ARHGAP19: variants seen among roughly 807,000 people sequenced by gnomAD.
The protein encoded by ARHGAP19 is rho GTPase-activating protein 19.
In ARHGAP19, 48 loss-of-function variants were observed where a neutral mutation model predicts 60.9. That is an observed-to-expected ratio of 0.79 (90% confidence interval 0.62 to 1.00). ARHGAP19 has a LOEUF of 1.00. ARHGAP19 is among the 50% of genes least tolerant of loss of function. ARHGAP19 has a pLI of 0.00. For missense variants in ARHGAP19, 562 were observed against 597.2 expected, an observed-to-expected ratio of 0.94 and a Z score of 0.61; for synonymous variants, 209 against 215.5, an observed-to-expected ratio of 0.97 and a Z score of 0.27.
At chr10:97,243,186 C>T (rs1191387311) in intron 8 of ARHGAP19, among the ~76,000 whole-genome samples, 1 of 152,146 alleles carries the variant, frequency 6.6e-6, no homozygotes, top group Non-Finnish European at 1.5e-5. Context: ...TCACCATTAT[C>T]TGAGTACTTG....
chr10:97,245,923 G>T (rs372200303), intron 7 of ARHGAP19, among the ~76,000 whole-genome samples: 6 of 151,996 alleles, frequency 3.9e-5, no homozygotes, highest in Admixed American at 1.3e-4. Context: ...TAAAAATTGT[G>T]GGGGGGAGGC....
At chr10:97,231,664 G>A (rs979078676) in intron 9 of ARHGAP19, among the ~76,000 whole-genome samples, 5 of 152,166 alleles carry the variant, frequency 3.3e-5, no homozygotes, top group African/African-American at 9.7e-5. Flanking sequence ...GACAAATAAT[G>A]TTCCATTATC....
At chr10:97,244,949 A>T (rs1842542079) in intron 7 of ARHGAP19, among the ~76,000 whole-genome samples, 2 of 151,736 alleles carry the variant, frequency 1.3e-5, no homozygotes, top group Admixed American at 1.3e-4. Context: ...AACAGGAAAG[A>T]AAGGAAAGTA....
intron 11 of ARHGAP19, 66 bp from the exon 12 acceptor site, chr10:97,226,198 C>A: frequency 6.5e-7 from 1 of 1,541,042 alleles, no homozygotes. Flanking sequence ...AAACATCCCA[C>A]TCAAAAGCTA....
intron 1 of ARHGAP19, among the ~76,000 whole-genome samples, chr10:97,271,683 AT>A (rs1353584354): frequency 6.6e-6 from 1 of 151,962 alleles, no homozygotes; most frequent in Non-Finnish European, 1.5e-5. Context: ...TTGCTATGTT[AT>A]TTATTTATTT....
At chr10:97,265,678 T>G in intron 2 of ARHGAP19, 182 bp downstream of exon 2, 1 of 648,032 alleles carries the variant, frequency 1.5e-6, no homozygotes, top group East Asian at 2.9e-5. Context: ...ATTATTTATT[T>G]ATCTAGACAG....
In ARHGAP19 at chr10:97,225,016, A is replaced by C. The variant is rs1212289432; in HGVS notation, c.*1106T>G. The stretch of plus-strand genomic sequence containing the variant: ...CTCCTTTAAATCCTGTCAGCCCTGC[A>C]GAGGTTGCTGCTTGCTTCTTCTTTC... On this transcript the variant is annotated 3_prime_UTR_variant, in exon 12 of 12. Coordinates refer to ENST00000358531, the MANE Select transcript of ARHGAP19 (RefSeq NM_032900.6). 1 of 152,534 alleles carries C rather than the reference A, an allele frequency of 6.6e-6. No homozygotes were observed. Among genetic ancestry groups the C allele is most frequent in the Non-Finnish European group, 1.5e-5 (1 of 68,304 alleles). 9.4% of individuals were successfully genotyped at this position (152,534 alleles called of 1,614,324 possible).
At chr10:97,241,802 G>A (rs1842487081) in intron 8 of ARHGAP19, among the ~76,000 whole-genome samples, 2 of 152,030 alleles carry the variant, frequency 1.3e-5, no homozygotes, top group Non-Finnish European at 2.9e-5. Context: ...AAGGTTAGGA[G>A]ATCAAGACCA....
intron 5 of ARHGAP19, among the ~76,000 whole-genome samples, chr10:97,259,187 T>C (rs537225327): frequency 6.1e-4 from 93 of 152,344 alleles, no homozygotes; most frequent in Admixed American, 2.7e-3. Flanking sequence ...TACAATGCCA[T>C]GTAGGTTTAC....
At chr10:97,290,208 G>C (rs1426029287) in intron 1 of ARHGAP19, among the ~76,000 whole-genome samples, 1 of 152,170 alleles carries the variant, frequency 6.6e-6, no homozygotes, top group Non-Finnish European at 1.5e-5. Flanking sequence ...CTGGAGCTGA[G>C]CTTTTGCTCG....
chr10:97,229,727 T>C, intron 10 of ARHGAP19, 37 bp downstream of exon 10: 1 of 1,451,898 alleles, frequency 6.9e-7, no homozygotes. Flanking sequence ...TACAAATATA[T>C]ACAGACAGAC....
chr10:97,248,186 G>A (rs367650990), intron 6 of ARHGAP19, among the ~76,000 whole-genome samples: 54 of 152,110 alleles, frequency 3.6e-4, no homozygotes, highest in Middle Eastern at 6.8e-3. Context: ...AGGCCAAAGC[G>A]GGTAGATCAC....
In ARHGAP19 at chr10:97,225,961, A is replaced by T; in HGVS notation, c.*161T>A. Reference sequence around the variant, plus strand: ...CACAGCTTGCAAACATCATCCAGTGAGTGGGGTTAGAGGTATCAGTCGGGT... The same window carrying T: ...CACAGCTTGCAAACATCATCCAGTGTGTGGGGTTAGAGGTATCAGTCGGGT... On this transcript the variant is annotated 3_prime_UTR_variant, in exon 12 of 12. Transcript: ENST00000358531. 1 of 665,338 alleles carries T rather than the reference A, an allele frequency of 1.5e-6. No individual in the cohort carries two copies. The highest frequency in any genetic ancestry group is 1.9e-5 in the South Asian group (1 of 52,238). 41.2% of individuals were successfully genotyped at this position (665,338 alleles called of 1,614,324 possible).
At chr10:97,278,717 AACAATCC>A (rs1843048719) in intron 1 of ARHGAP19, among the ~76,000 whole-genome samples, 1 of 152,210 alleles carries the variant, frequency 6.6e-6, no homozygotes, top group Non-Finnish European at 1.5e-5. Context: ...AAGGACTGGA[AACAATCC>A]ACAGCTGAAA....
chr10:97,291,158 TATAAACCCAGGC>T (rs1243398072), intron 1 of ARHGAP19, among the ~76,000 whole-genome samples: 2 of 152,032 alleles, frequency 1.3e-5, no homozygotes, highest in Non-Finnish European at 2.9e-5. Flanking sequence ...AGGATCAGGA[TATAAACCCAGGC>T]ATTAGAGCCA....
At chr10:97,253,707 T>C (rs1228960059) in intron 6 of ARHGAP19, among the ~76,000 whole-genome samples, 1 of 152,218 alleles carries the variant, frequency 6.6e-6, no homozygotes, top group African/African-American at 2.4e-5. Flanking sequence ...ATACCCTGAC[T>C]TGATCATTGC....
rs183172220 is a variant in ARHGAP19 at position 97,264,031 on chromosome 10, G to A, written c.404-402C>T. Among the ~76,000 whole-genome samples, 125 of 152,246 alleles carry A rather than the reference G, an allele frequency of 8.2e-4. No individual in the cohort carries two copies. The South Asian group carries it at 8.9e-3, about 11-fold the overall frequency. Reference sequence around the variant, plus strand: ...GCTACATACATCTGTGGATGTTTGTGGCTCTTGTAAACTGTTTTCCCAGCC... The same window carrying A: ...GCTACATACATCTGTGGATGTTTGTAGCTCTTGTAAACTGTTTTCCCAGCC... On this transcript the variant is annotated intron_variant, in intron 3 of 11. Coordinates refer to ENST00000358531, the MANE Select transcript of ARHGAP19 (RefSeq NM_032900.6).
At chr10:97,266,986 T>C (rs867178323) in intron 1 of ARHGAP19, among the ~76,000 whole-genome samples, 14 of 152,300 alleles carry the variant, frequency 9.2e-5, no homozygotes, top group Middle Eastern at 3.4e-3. Context: ...AAACCAATTA[T>C]GCCTCCCCAA....
chr10:97,244,137 G>C lies in ARHGAP19; in HGVS notation c.1016C>G (p.Ser339Ter), dbSNP rs760750181. 1 of 1,612,598 alleles carries C rather than the reference G, an allele frequency of 6.2e-7. No individual in the cohort carries two copies. Among genetic ancestry groups the C allele is most frequent in the African/African-American group, 1.3e-5 (1 of 74,828 alleles). ...ASKDDLDLIASCHTKSFQLAK... is the reference protein window; with the variant it reads ...ASKDDLDLIA ...CAGCTGAAAGGACTTAGTATGACAT[G>C]AAGCTATGAGGTCAAGGTCATCCTA... Residue 339 changes from serine (S) to a stop codon, truncating the protein, a stop_gained, in exon 8 of 12, where the codon TCA becomes TGA. Transcript: ENST00000358531. LOFTEE classifies it high-confidence loss of function.
Sources: allele counts gnomAD v4.1 joint callset (sites outside exome capture counted in the v4.1 genomes callset), GRCh38; gene constraint gnomAD v4.1.1; transcripts MANE v1.5; gene names NCBI Gene and HGNC (gene_info 2026-07-23, HGNC 2026-07-21).